PRH1: variants seen among roughly 807,000 people sequenced by gnomAD.
PRH1 encodes salivary acidic proline-rich phosphoprotein 1/2.
Under a neutral mutation model 7.9 loss-of-function variants are expected in PRH1, and 7 were observed. The observed-to-expected ratio is 0.89, with a 90% CI of 0.50 to 1.67. PRH1 has a LOEUF of 1.67. PRH1 is among the 40% of genes most tolerant of loss of function. PRH1 has a pLI of 0.00. For missense variants in PRH1, 109 were observed against 223.6 expected, an observed-to-expected ratio of 0.49 and a Z score of 3.27; for synonymous variants, 45 against 80.8, an observed-to-expected ratio of 0.56 and a Z score of 2.38.
chr12:10,893,395 T>C (rs1309400197), intron 2 of PRH1, among the ~76,000 whole-genome samples: 1 of 152,270 alleles, frequency 6.6e-6, no homozygotes, highest in African/African-American at 2.4e-5. Context: ...TTATTCTTGT[T>C]GTTTTTTCTT....
intron 2 of PRH1, among the ~76,000 whole-genome samples, chr12:10,967,625 T>TTTTGC (rs750554414): frequency 1.3e-5 from 2 of 152,036 alleles, no homozygotes; most frequent in African/African-American, 2.4e-5. Context: ...GTGATTAGCT[T>TTTTGC]TTTGTTTTGT....
intron 1 of PRH1, among the ~76,000 whole-genome samples, chr12:11,107,808 C>CA (rs910345633): frequency 6.6e-6 from 1 of 152,034 alleles, no homozygotes; most frequent in African/African-American, 2.4e-5. Context: ...TGGTTTTTCT[C>CA]AAAAAACAAT....
At chr12:10,910,942 CAA>C (rs1165652462) in intron 2 of PRH1, among the ~76,000 whole-genome samples, 2 of 152,060 alleles carry the variant, frequency 1.3e-5, no homozygotes, top group African/African-American at 4.8e-5. Flanking sequence ...TAATGATTTG[CAA>C]GTTTCAATTA....
intron 1 of PRH1, among the ~76,000 whole-genome samples, chr12:10,883,384 G>A (rs10492098): frequency 0.5 from 75,631 of 152,016 alleles, 21,304 homozygotes; most frequent in East Asian, 0.73. Flanking sequence ...TCTGATCCTC[G>A]GCATGAAAAT....
rs202167622 is a variant in PRH1, at chr12:11,035,271, G to T, written c.-126+11749C>A. 1.4e-4 allele frequency among the ~76,000 whole-genome samples: 20 copies of T among 142,410 alleles called. No individual in the cohort carries two copies. In the South Asian group the frequency reaches 4.5e-3, roughly 32 times the overall value. The allele number at this position is 142,410 out of a possible 152,430, so 93.4% of individuals were successfully genotyped here. ...CCCCATTTGTTCTCTTCTAATTTTC[G>T]GGAACTGCAGAAGTATGTTAGTTGT... On this transcript the variant is annotated intron_variant, in intron 1 of 3. Transcript: ENST00000539853.
intron 2 of PRH1, among the ~76,000 whole-genome samples, chr12:10,969,994 G>C (rs1385015611): frequency 5.3e-5 from 8 of 152,100 alleles, no homozygotes. Context: ...CAGAGATGGG[G>C]TTTTGCCATG....
At chr12:11,063,130 T>C (rs1943682320) in intron 1 of PRH1, among the ~76,000 whole-genome samples, 1 of 152,124 alleles carries the variant, frequency 6.6e-6, no homozygotes, top group Non-Finnish European at 1.5e-5. Flanking sequence ...TTTGGTAAAG[T>C]TTCTCTCAAG....
At position 11,168,287 on chromosome 12, in the gene PRH1, A is replaced by G. The variant is rs1414389892; in HGVS notation, n.39+3135T>C. On this transcript the variant is annotated intron_variant and non_coding_transcript_variant, in intron 1 of 1. Coordinates refer to the PRH1 transcript ENST00000541175. ...AAGAAAGAAAGAAAGAAAGAAAGAA[A>G]GAAAGAAAGAAAGAAGGAAGGAAGG... 1.7e-3 allele frequency among the ~76,000 whole-genome samples: 51 copies of G among 30,480 alleles called. 3 individuals are homozygous for G. Among genetic ancestry groups the G allele is most frequent in the African/African-American group, 3.8e-3 (30 of 7,980 alleles). The allele number at this position is 30,480 out of a possible 152,430, so 20.0% of individuals were successfully genotyped here.
At chr12:11,128,956 T>A (rs1321987968) in intron 1 of PRH1, among the ~76,000 whole-genome samples, 1 of 152,078 alleles carries the variant, frequency 6.6e-6, no homozygotes, top group Admixed American at 6.6e-5. Context: ...AGCATCTCCC[T>A]CTGTTACCCA....
intron 1 of PRH1, among the ~76,000 whole-genome samples, chr12:11,013,734 G>T (rs1167126205): frequency 6.7e-6 from 1 of 149,006 alleles, no homozygotes; most frequent in Admixed American, 6.8e-5. Context: ...ATTCTCCCTA[G>T]ATTTTTATTT....
chr12:10,986,036 G>A (rs1747395059), intron 1 of PRH1: 2 of 1,614,022 alleles, frequency 1.2e-6, no homozygotes, highest in Non-Finnish European at 1.7e-6. Context: ...GGATGAATGA[G>A]TCGAATGCAA....
chr12:10,997,401 C>A, intron 1 of PRH1: 1 of 1,614,122 alleles, frequency 6.2e-7, no homozygotes, highest in African/African-American at 1.3e-5. Flanking sequence ...ACGTTTCCTT[C>A]ACATTCTTCT....
At position 11,169,612 on chromosome 12, in the gene PRH1, T is replaced by A. The variant is rs531630530; in HGVS notation, n.39+1810A>T. ...AATGAGTCCACATAGCTTTACATAT[T>A]TGGAAATGAAAAATCCAGGACGTAA... is the stretch of plus-strand genomic sequence containing the variant. On this transcript the variant is annotated intron_variant and non_coding_transcript_variant, in intron 1 of 1. Coordinates refer to the PRH1 transcript ENST00000541175. 1.0e-3 allele frequency among the ~76,000 whole-genome samples: 127 copies of A among 127,602 alleles called. 1 individual carries two copies. The highest frequency in any genetic ancestry group is 3.3e-3 in the African/African-American group (124 of 37,106). 83.7% of individuals were successfully genotyped at this position (127,602 alleles called of 152,430 possible).
chr12:10,956,325 T>C (rs1937955071), intron 2 of PRH1, among the ~76,000 whole-genome samples: 1 of 152,168 alleles, frequency 6.6e-6, no homozygotes, highest in Non-Finnish European at 1.5e-5. Context: ...AAAAACCACA[T>C]TACTATCTCA....
At chr12:10,997,412 G>A in intron 1 of PRH1, 1 of 1,614,008 alleles carries the variant, frequency 6.2e-7, no homozygotes. Flanking sequence ...ACATTCTTCT[G>A]TCCACACATT....
intron 2 of PRH1, among the ~76,000 whole-genome samples, chr12:10,942,780 C>T (rs1482766466): frequency 6.6e-6 from 1 of 152,212 alleles, no homozygotes; most frequent in Non-Finnish European, 1.5e-5. Context: ...ATTTCCTTCT[C>T]TCTGTGGCAT....
At chr12:11,069,346 T>C (rs1180230162) in intron 1 of PRH1, among the ~76,000 whole-genome samples, 8 of 152,242 alleles carry the variant, frequency 5.3e-5, no homozygotes, top group African/African-American at 1.9e-4. Flanking sequence ...GTCTGTTAAC[T>C]GATTTGGCTA....
chr12:10,951,110 C>T lies in PRH1; in HGVS notation c.-59+22545G>A, dbSNP rs989936296. Among the ~76,000 whole-genome samples, 8 of 152,130 alleles carry T rather than the reference C, an allele frequency of 5.3e-5. No individual in the cohort carries two copies. In the East Asian group the frequency reaches 1.3e-3, roughly 26 times the overall value. Reference sequence around the variant, plus strand: ...TATGGAAAAAATGTAATTTTCAAAACGGCTCAAATTACCTACTATTTAAAC... The same window carrying T: ...TATGGAAAAAATGTAATTTTCAAAATGGCTCAAATTACCTACTATTTAAAC... On this transcript the variant is annotated intron_variant, in intron 2 of 3. Transcript: ENST00000539853.
At chr12:10,971,460 T>C (rs1415147556) in intron 2 of PRH1, among the ~76,000 whole-genome samples, 1 of 152,176 alleles carries the variant, frequency 6.6e-6, no homozygotes, top group Admixed American at 6.5e-5. Context: ...GATTACTGTA[T>C]AGTACTATAC....
Sources: gnomAD v4.1 joint callset for allele counts (sites outside exome capture counted in the v4.1 genomes callset) on GRCh38, gnomAD v4.1.1 for gene constraint, MANE v1.5 for transcripts, NCBI Gene and HGNC (gene_info 2026-07-23, HGNC 2026-07-21) for gene names.